FAAH2: variants seen among roughly 807,000 people sequenced by gnomAD.
FAAH2 encodes the protein fatty acid amide hydrolase 2, also known as fatty-acid amide hydrolase 2.
FAAH2 carries 60 observed loss-of-function variants against 36.9 expected under a neutral mutation model. The observed-to-expected ratio is 1.63, with a 90% CI of 1.32 to 2.02. FAAH2 has a LOEUF of 2.02. FAAH2 is among the 30% of genes most tolerant of loss of function. The pLI is 0.00. For missense variants in FAAH2, 689 were observed against 397.5 expected (o/e 1.73, Z -6.23); for synonymous variants, 214 against 143.8 (o/e 1.49, Z -3.49).
chrX:57,478,511 T>C (rs1472311944), intron 10 of FAAH2, among the ~76,000 whole-genome samples: 4 of 111,903 alleles, frequency 3.6e-5, no homozygotes, highest in Non-Finnish European at 7.5e-5. Context: ...ATTTGTCAAT[T>C]TTGGCTTTTG....
At chrX:57,468,674 A>G (rs190897248) in intron 10 of FAAH2, among the ~76,000 whole-genome samples, 3 of 111,992 alleles carry the variant, frequency 2.7e-5, no homozygotes, top group Admixed American at 9.5e-5. Context: ...AAAACACTCT[A>G]CAGGATATTA....
intron 2 of FAAH2, among the ~76,000 whole-genome samples, chrX:57,299,879 C>A (rs1167617229): frequency 9.0e-6 from 1 of 111,222 alleles, no homozygotes; most frequent in African/African-American, 3.3e-5. Context: ...GAATAAAATA[C>A]CTAGGAGTCC....
chrX:57,347,604 GTTTTTTTTTTTTTTTTTTT>G (rs61323098), intron 5 of FAAH2, among the ~76,000 whole-genome samples: 4 of 77,901 alleles, frequency 5.1e-5, no homozygotes, highest in Admixed American at 4.3e-4. Flanking sequence ...GGGATGCTAA[GTTTTTTTTTTTTTTTTTTT>G]TTTTTTTTTT....
chrX:57,125,622 G>A, the FAAH2 span, among the ~76,000 whole-genome samples: 1 of 111,679 alleles, frequency 9.0e-6, no homozygotes, highest in Non-Finnish European at 1.9e-5. Context: ...TCTCAGCTAG[G>A]TAATTATTTC....
the FAAH2 span, among the ~76,000 whole-genome samples, chrX:57,143,503 A>T: frequency 9.1e-6 from 1 of 110,170 alleles, no homozygotes; most frequent in Non-Finnish European, 1.9e-5. Flanking sequence ...TTGAGATAGG[A>T]TCTCACTCTA....
intron 10 of FAAH2, among the ~76,000 whole-genome samples, chrX:57,471,074 C>T (rs1250489162): frequency 2.7e-5 from 3 of 111,607 alleles, no homozygotes; most frequent in Admixed American, 9.5e-5. Flanking sequence ...CTCAATAAAT[C>T]AGATATTGAT....
chrX:57,186,537 C>A, the FAAH2 span, among the ~76,000 whole-genome samples: 1 of 111,972 alleles, frequency 8.9e-6, no homozygotes, highest in South Asian at 3.7e-4. Context: ...ATAACAGTTT[C>A]TTTTGCTGAG....
chrX:57,303,584 C>A (rs1386861040), intron 2 of FAAH2, among the ~76,000 whole-genome samples: 1 of 111,599 alleles, frequency 9.0e-6, no homozygotes, highest in Non-Finnish European at 1.9e-5. Flanking sequence ...TTGTTACCAC[C>A]ATTTTATAGC....
chrX:57,354,430 G>A, intron 5 of FAAH2, among the ~76,000 whole-genome samples: 1 of 110,666 alleles, frequency 9.0e-6, no homozygotes, highest in South Asian at 3.8e-4. Context: ...ACTCAGAAGG[G>A]TGAGGCTGAG....
the FAAH2 span, among the ~76,000 whole-genome samples, chrX:57,187,572 G>A: frequency 1.8e-5 from 2 of 110,886 alleles, no homozygotes; most frequent in Admixed American, 1.9e-4. Context: ...TCTCTTGCCT[G>A]ATTGCTCTGA....
Position 57,318,005 on chromosome X carries a change from C to T in FAAH2, c.412+7276C>T, listed in dbSNP as rs187392276. 1.3e-3 allele frequency among the ~76,000 whole-genome samples: 149 copies of T among 111,560 alleles called. 2 individuals are homozygous for T. Among genetic ancestry groups the T allele is most frequent in the African/African-American group, 4.5e-3 (140 of 30,791 alleles). On this transcript the variant is annotated intron_variant, in intron 3 of 10. Transcript: ENST00000374900. ...ATGTACTGGGATCTCTGAGACACAGCTAAAGCAGTGTTTAGAGGGAAATTT... is the reference window on the plus strand; with the variant it reads ...ATGTACTGGGATCTCTGAGACACAGTTAAAGCAGTGTTTAGAGGGAAATTT...
At chrX:57,360,635 C>T (rs894042455) in intron 5 of FAAH2, among the ~76,000 whole-genome samples, 1 of 110,960 alleles carries the variant, frequency 9.0e-6, no homozygotes, top group Admixed American at 9.6e-5. Context: ...TTCATAAACC[C>T]TTTTTAAAAA....
chrX:57,224,871 G>T, the FAAH2 span, among the ~76,000 whole-genome samples: 18 of 111,857 alleles, frequency 1.6e-4, no homozygotes, highest in Non-Finnish European at 2.8e-4. Flanking sequence ...TACACTAGGA[G>T]GGTTGTGTTT....
At chrX:57,436,253 A>G (rs190127128) in intron 8 of FAAH2, among the ~76,000 whole-genome samples, 1 of 111,135 alleles carries the variant, frequency 9.0e-6, no homozygotes, top group African/African-American at 3.3e-5. Context: ...AAATGCCTAT[A>G]CTAAAAAAGT....
chrX:57,414,801 C>A (rs1175917420), intron 7 of FAAH2, among the ~76,000 whole-genome samples: 1 of 107,861 alleles, frequency 9.3e-6, no homozygotes, highest in Non-Finnish European at 1.9e-5. Flanking sequence ...GTATCAACTC[C>A]TCCTTGTACC....
At chrX:57,242,655 G>A in the FAAH2 span, among the ~76,000 whole-genome samples, 1 of 111,684 alleles carries the variant, frequency 9.0e-6, no homozygotes, top group Non-Finnish European at 1.9e-5. Context: ...AAGTGCAAGG[G>A]GTTGAGGAAC....
At chrX:57,250,341 C>A in the FAAH2 span, among the ~76,000 whole-genome samples, 2 of 111,333 alleles carry the variant, frequency 1.8e-5, no homozygotes, top group African/African-American at 6.5e-5. Flanking sequence ...GTAATGGCAT[C>A]AGTAAGAATA....
At chrX:57,459,542 C>T (rs1252883247) in intron 10 of FAAH2, among the ~76,000 whole-genome samples, 2 of 112,214 alleles carry the variant, frequency 1.8e-5, no homozygotes, top group African/African-American at 3.2e-5. Context: ...CCTTGTGCCT[C>T]GTGACTGGGA....
At chrX:57,445,732 T>A (rs1463867648) in intron 8 of FAAH2, among the ~76,000 whole-genome samples, 1 of 112,233 alleles carries the variant, frequency 8.9e-6, no homozygotes, top group South Asian at 3.7e-4. Context: ...CTTTTCCCAC[T>A]CCTTTCCCAA....
Sources: allele counts gnomAD v4.1 joint callset (sites outside exome capture counted in the v4.1 genomes callset), GRCh38; gene constraint gnomAD v4.1.1; transcripts MANE v1.5; gene names NCBI Gene and HGNC (gene_info 2026-07-23, HGNC 2026-07-21).